The following BMP6 variants were observed in gnomAD, a reference collection of about 807,000 sequenced individuals.
The protein encoded by BMP6 is bone morphogenetic protein 6.
Under a neutral mutation model 54.1 loss-of-function variants are expected in BMP6, and 17 were observed. The ratio of observed to expected loss-of-function variants is 0.31; its 90% CI spans 0.22 to 0.47. The LOEUF (loss-of-function observed/expected upper bound fraction) is 0.47, where lower values mean the gene tolerates loss of function less well. Among genes scored for constraint, BMP6 ranks in the 20% least tolerant of loss-of-function variants. The probability of loss-of-function intolerance (pLI) is 1.00; values close to 1 mark genes in which losing one functional copy is unlikely to be tolerated. For missense variants in BMP6, 720 were observed against 690.4 expected, an observed-to-expected ratio of 1.04 and a Z score of -0.48; for synonymous variants, 328 against 291.2, an observed-to-expected ratio of 1.13 and a Z score of -1.28.
At chr6:7,873,892 G>T (rs1019284576) in intron 4 of BMP6, among the ~76,000 whole-genome samples, 9 of 152,174 alleles carry the variant, frequency 5.9e-5, no homozygotes, top group African/African-American at 2.2e-4. Context: ...TGCCAAGATG[G>T]TCTTCATGGA....
chr6:7,824,800 A>G (rs546932652), intron 1 of BMP6, among the ~76,000 whole-genome samples: 1 of 152,266 alleles, frequency 6.6e-6, no homozygotes, highest in East Asian at 1.9e-4. Flanking sequence ...TCTCTTCCCT[A>G]TATTTGTGGT....
intron 1 of BMP6, among the ~76,000 whole-genome samples, chr6:7,777,434 A>C (rs1443216704): frequency 6.6e-6 from 1 of 152,174 alleles, no homozygotes; most frequent in Non-Finnish European, 1.5e-5. Context: ...AAGTATTCTA[A>C]AGCTCCCTCA....
chr6:7,754,832 C>G (rs1757487222), intron 1 of BMP6, among the ~76,000 whole-genome samples: 1 of 152,174 alleles, frequency 6.6e-6, no homozygotes. Context: ...ATTCTCCTAC[C>G]TCAGCCCCCT....
At chr6:7,756,463 C>G (rs1325598690) in intron 1 of BMP6, among the ~76,000 whole-genome samples, 1 of 152,044 alleles carries the variant, frequency 6.6e-6, no homozygotes, top group Non-Finnish European at 1.5e-5. Context: ...CATTCTATCA[C>G]CTCTGTTATT....
chr6:7,835,283 C>T (rs373968281), intron 1 of BMP6, among the ~76,000 whole-genome samples: 23 of 152,182 alleles, frequency 1.5e-4, no homozygotes, highest in African/African-American at 5.1e-4. Context: ...CCACCAGGCC[C>T]GGCTAATTTT....
At chr6:7,782,031 A>G (rs1162458709) in intron 1 of BMP6, among the ~76,000 whole-genome samples, 1 of 151,342 alleles carries the variant, frequency 6.6e-6, no homozygotes, top group Non-Finnish European at 1.5e-5. Flanking sequence ...AGTTTTTAGT[A>G]GCTGGGTTGA....
At position 7,784,961 on chromosome 6, in the gene BMP6, C is replaced by G. The variant is rs733954; in HGVS notation, c.664+57342C>G. 2.8e-3 allele frequency among the ~76,000 whole-genome samples: 422 copies of G among 152,234 alleles called. 6 individuals are homozygous for G. Among genetic ancestry groups the G allele is most frequent in the Admixed American group, 0.021 (324 of 15,286 alleles). On this transcript the variant is annotated intron_variant, in intron 1 of 6. Transcript: ENST00000283147. The stretch of plus-strand genomic sequence containing the variant: ...CTTTTCACTCCAGGAAGGGGAAGCC[C>G]CTAGAACTTTTCCCATTTGGCAAGG...
intron 1 of BMP6, among the ~76,000 whole-genome samples, chr6:7,807,900 C>T (rs116541002): frequency 9.8e-4 from 143 of 146,608 alleles, no homozygotes; most frequent in African/African-American, 3.5e-3. Context: ...GTATTACTAA[C>T]GGGAAGTCTT....
intron 1 of BMP6, among the ~76,000 whole-genome samples, chr6:7,782,198 C>T (rs1263222594): frequency 7.0e-6 from 1 of 143,262 alleles, no homozygotes; most frequent in Admixed American, 6.9e-5. Context: ...GCTTGCCAAC[C>T]TGGAAGGGAG....
At chr6:7,879,936 A>G in intron 5 of BMP6, 55 bp from the exon 6 acceptor site, 1 of 1,535,130 alleles carries the variant, frequency 6.5e-7, no homozygotes, top group Non-Finnish European at 9.0e-7. Context: ...GAAAAGCACA[A>G]ATAGTGTGAG....
intron 2 of BMP6, among the ~76,000 whole-genome samples, chr6:7,847,672 G>A (rs925211740): frequency 2.6e-5 from 4 of 152,140 alleles, no homozygotes; most frequent in African/African-American, 9.7e-5. Flanking sequence ...ACTCAGCTGG[G>A]GTGGCAGAAG....
chr6:7,769,262 T>G (rs568633256), intron 1 of BMP6, among the ~76,000 whole-genome samples: 1 of 152,324 alleles, frequency 6.6e-6, no homozygotes, highest in South Asian at 2.1e-4. Context: ...CTTACCAAAA[T>G]GATGAGCAAC....
chr6:7,878,726 A>T (rs1648874901), intron 4 of BMP6, among the ~76,000 whole-genome samples: 1 of 152,216 alleles, frequency 6.6e-6, no homozygotes, highest in South Asian at 2.1e-4. Flanking sequence ...GATCATGTGA[A>T]TGTGATGCCT....
chr6:7,817,506 T>C (rs564877574), intron 1 of BMP6, among the ~76,000 whole-genome samples: 191 of 139,362 alleles, frequency 1.4e-3, no homozygotes, highest in Middle Eastern at 0.011. Flanking sequence ...TTCTCACTCA[T>C]AGGTGGGAAT....
chr6:7,762,389 C>T (rs568703536), intron 1 of BMP6, among the ~76,000 whole-genome samples: 56 of 152,328 alleles, frequency 3.7e-4, no homozygotes, highest in Middle Eastern at 6.8e-3. Context: ...TGAAGGTTTG[C>T]TTTAATGATC....
chr6:7,751,752 C>T (rs1047239891), intron 1 of BMP6, among the ~76,000 whole-genome samples: 2 of 152,186 alleles, frequency 1.3e-5, no homozygotes, highest in African/African-American at 4.8e-5. Context: ...AGAAGATGCC[C>T]AGGGATCTCC....
chr6:7,862,254 C>T (rs1299193227), intron 3 of BMP6, 47 bp from the exon 4 acceptor site: 2 of 1,598,710 alleles, frequency 1.3e-6, no homozygotes, highest in South Asian at 1.1e-5. Flanking sequence ...GCTACAGGAA[C>T]AAGTTTCTGT....
chr6:7,858,713 A>G (rs1392302078), intron 2 of BMP6, among the ~76,000 whole-genome samples: 1 of 151,414 alleles, frequency 6.6e-6, no homozygotes, highest in Non-Finnish European at 1.5e-5. Context: ...CTGTTGACAC[A>G]GTCAATATTC....
chr6:7,789,532 G>A (rs1043953638), intron 1 of BMP6, among the ~76,000 whole-genome samples: 10 of 152,216 alleles, frequency 6.6e-5, no homozygotes, highest in African/African-American at 1.7e-4. Flanking sequence ...TGAGACCCAT[G>A]AGACGGTAAT....
Sources: gnomAD v4.1 joint callset for allele counts (sites outside exome capture counted in the v4.1 genomes callset) on GRCh38, gnomAD v4.1.1 for gene constraint, MANE v1.5 for transcripts, NCBI Gene and HGNC (gene_info 2026-07-23, HGNC 2026-07-21) for gene names.